The following KIF7 variants were observed in gnomAD, a reference collection of about 807,000 sequenced individuals.
KIF7 encodes the protein kinesin family member 7.
A neutral mutation model predicts 135.7 loss-of-function variants in KIF7; 104 were observed. That is an observed-to-expected ratio of 0.77 (90% CI 0.65 to 0.90). The LOEUF is 0.90. Among genes scored for constraint, KIF7 ranks in the 40% least tolerant of loss-of-function variants. The pLI is 0.00. For missense variants in KIF7, 2,005 were observed against 1,839.1 expected, an observed-to-expected ratio of 1.09 and a Z score of -1.65; for synonymous variants, 883 against 809.4, an observed-to-expected ratio of 1.09 and a Z score of -1.54.
chr15:89,626,204 G>C (rs780171117), downstream of KIF7: 31 of 837,754 alleles, frequency 3.7e-5, no homozygotes, highest in Non-Finnish European at 5.0e-5. Context: ...CGTCATGTGT[G>C]CCCTTCCCAG....
rs144494245 is a variant in KIF7 at position 89,633,966 on chromosome 15, C to G, written c.2395-83G>C. On this transcript the variant is annotated intron_variant, in intron 11 of 18. Coordinates refer to ENST00000394412, the MANE Select transcript of KIF7 (RefSeq NM_198525.3). ...GTGCTGGGCACTCAACAAGGGCAGG[C>G]AGATAGAGGGCAAATGGGTAGGTGG... 1.4e-3 allele frequency: 2,104 copies of G among 1,481,678 alleles called. 22 individuals are homozygous for G. The African/African-American group carries it at 0.026, about 18-fold the overall frequency. The allele number at this position is 1,481,678 out of a possible 1,614,324, so 91.8% of individuals were successfully genotyped here.
rs1253153154 is a variant in KIF7 at position 89,648,449 on chromosome 15, CG to C, written c.1248del (p.Asp417ThrfsTer38). The part of the protein sequence containing the change: ...GAECARYRAC[T>X]DAAYSLLREL... ...TCGCGCAAGAGGCTGTAGGCGGCGTCGGTGCAGGCCCGGTAGCGCGCGCACT... is the reference window on the plus strand; with the variant it reads ...TCGCGCAAGAGGCTGTAGGCGGCGTCGTGCAGGCCCGGTAGCGCGCGCACT... On this transcript the variant is annotated frameshift_variant, in exon 5 of 19. Transcript: ENST00000394412. LOFTEE classifies it high-confidence loss of function. 5 of 1,089,010 alleles carry C rather than the reference CG, an allele frequency of 4.6e-6. No homozygotes were observed. The African/African-American group carries it at 8.5e-5, about 19-fold the overall frequency. 67.5% of individuals were successfully genotyped at this position (1,089,010 alleles called of 1,614,324 possible). A position where few individuals can be genotyped will look rare whatever the true frequency, so the allele number is the denominator to read the frequency against.
At position 89,654,377 on chromosome 15, in the gene KIF7, T is replaced by TA. The variant is rs1444277806; in HGVS notation, c.-25+1021dup. Among the ~76,000 whole-genome samples the TA allele has an allele frequency of 1.1e-4, 16 of 148,902 alleles. No individual in the cohort carries two copies. In the East Asian group the frequency reaches 2.5e-3, roughly 24 times the overall value. On this transcript the variant is annotated intron_variant, in intron 1 of 18. Transcript: ENST00000394412. ...TAAATCAGGCCCTGCCTCCCTGGAC[T>TA]ACTCACTTCCCACACCCCAGGCCTT...
intron 2 of KIF7, among the ~76,000 whole-genome samples, chr15:89,652,095 A>C (rs1203443006): frequency 6.6e-6 from 1 of 152,220 alleles, no homozygotes; most frequent in Non-Finnish European, 1.5e-5. Context: ...AACCCGACAG[A>C]AAACAGCTTG....
downstream of KIF7, chr15:89,623,951 A>G (rs746968359): frequency 7.4e-6 from 12 of 1,614,084 alleles, no homozygotes; most frequent in Admixed American, 1.7e-5. Flanking sequence ...ACTTGGCCAC[A>G]TTCAGTGAAT....
At position 89,633,790 on chromosome 15, in the gene KIF7, G is replaced by A. The variant is rs748828629; in HGVS notation, c.2488C>T (p.Leu830Phe). 1.9e-6 allele frequency: 3 copies of A among 1,612,128 alleles called. No individual in the cohort carries two copies. Among genetic ancestry groups the A allele is most frequent in the South Asian group, 1.1e-5 (1 of 91,086 alleles). Residue 830 changes from leucine to phenylalanine, a missense_variant, in exon 12 of 19, where the codon CTC (leucine) becomes TTC (phenylalanine). Coordinates refer to ENST00000394412, the MANE Select transcript of KIF7 (RefSeq NM_198525.3). ...RLQELERNVQLMRQQQGQLQR... is the reference protein window; with the variant it reads ...RLQELERNVQFMRQQQGQLQR... Reference sequence around the variant, plus strand: ...AGCTGTCCCTGCTGCTGCCGCATGAGCTGCACGTTCCGCTCGAGCTCCTGC... The same window carrying A: ...AGCTGTCCCTGCTGCTGCCGCATGAACTGCACGTTCCGCTCGAGCTCCTGC...
Position 89,648,332 on chromosome 15 carries a change from A to C in KIF7, c.1366T>G (p.Ser456Ala). The change falls in exon 5 of 19, where the codon TCC becomes GCC. Residue 456 changes from serine (S) to alanine (A), a missense_variant. By Grantham distance (99) the Ser-to-Ala change is moderately conservative. Coordinates refer to ENST00000394412, the MANE Select transcript of KIF7 (RefSeq NM_198525.3). ...AVEGERSALS[S>A]ASGPDSGIES... ...ATGCCGCTATCGGGCCCGGAGGCGG[A>C]GCTCAGGGCGCTGCGCTCGCCCTCG... 1.3e-6 allele frequency: 2 copies of C among 1,498,648 alleles called. No individual in the cohort carries two copies. Among genetic ancestry groups the C allele is most frequent in the Non-Finnish European group, 1.8e-6 (2 of 1,124,946 alleles). 92.8% of individuals were successfully genotyped at this position (1,498,648 alleles called of 1,614,324 possible).
chr15:89,627,009 G>A (rs146781506), downstream of KIF7: 8 of 1,614,028 alleles, frequency 5.0e-6, no homozygotes, highest in East Asian at 4.5e-5. Flanking sequence ...TTTCAGTCGC[G>A]CTTTCTCCAG....
At position 89,647,576 on chromosome 15, in the gene KIF7, C is replaced by G. The variant is rs767169394; in HGVS notation, c.1560+20G>C. On this transcript the variant is annotated intron_variant, in intron 6 of 18. Coordinates refer to ENST00000394412, the MANE Select transcript of KIF7 (RefSeq NM_198525.3). ...CCTCCTCTGGGAAGCCTTCCCCGCA[C>G]TGTGAAGCGGGCGCCGCACCTGCAG... 4 of 1,599,118 alleles carry G rather than the reference C, an allele frequency of 2.5e-6. No individual in the cohort carries two copies. The South Asian group carries it at 4.4e-5, about 18-fold the overall frequency.
At chr15:89,638,035 T>C (rs1488620574) in intron 11 of KIF7, among the ~76,000 whole-genome samples, 1 of 105,202 alleles carries the variant, frequency 9.5e-6, no homozygotes, top group Non-Finnish European at 2.2e-5. Flanking sequence ...TCAATAAATG[T>C]AATCCAGCAT....
chr15:89,631,688 C>G lies in KIF7; in HGVS notation c.2918G>C (p.Arg973Pro), dbSNP rs762483775. Residue 973 changes from arginine (R) to proline (P), a missense_variant, in exon 15 of 19, where the codon CGA becomes CCA. Coordinates refer to ENST00000394412, the MANE Select transcript of KIF7 (RefSeq NM_198525.3). ...SSQALNEDIV[R>P]VSSRLEHLEK... is the part of the protein sequence containing the mutation. ...CAGGTGCTCCAGCCGGCTGGACACT[C>G]GCACGATGTCCTCGTTGAGGGCCTG... The G allele has an allele frequency of 1.3e-6, 2 of 1,555,644 alleles. No homozygotes were observed. The highest frequency in any genetic ancestry group is 1.7e-6 in the Non-Finnish European group (2 of 1,148,538).
At chr15:89,653,022 G>T (rs1314744503) in intron 1 of KIF7, 68 bp from the exon 2 acceptor site, 2 of 1,261,032 alleles carry the variant, frequency 1.6e-6, no homozygotes, top group Non-Finnish European at 2.1e-6. Context: ...ACCCTGCAGG[G>T]GACTCGAGCC....
chr15:89,627,505 G>C (rs1451107259), downstream of KIF7: 2 of 186,370 alleles, frequency 1.1e-5, no homozygotes, highest in Non-Finnish European at 2.2e-5. Flanking sequence ...TTTGTAAACT[G>C]TGAAGCCATA....
rs373550191 is a variant in KIF7, at chr15:89,631,580, C to G, written c.3026G>C (p.Ser1009Thr). 1.3e-6 allele frequency: 2 copies of G among 1,567,062 alleles called. No homozygotes were observed. Among genetic ancestry groups the G allele is most frequent in the Admixed American group, 3.7e-5 (2 of 54,366 alleles). The change falls in exon 15 of 19, where the codon AGC (serine) becomes ACC (threonine). Residue 1009 changes from serine (S) to threonine (T), a missense_variant. Physicochemically the swap from Ser to Thr is moderately conservative, Grantham distance 58. Transcript: ENST00000394412. Reference protein sequence around the residue: ...SQQQIRGEIDSLRQEKDSLLK... With the variant: ...SQQQIRGEIDTLRQEKDSLLK... ...CAGCGAGTCCTTCTCCTGGCGCAGGCTGTCGATCTCCCCGCGGATCTGCTG... is the reference window on the plus strand; with the variant it reads ...CAGCGAGTCCTTCTCCTGGCGCAGGGTGTCGATCTCCCCGCGGATCTGCTG...
intron 1 of KIF7, among the ~76,000 whole-genome samples, chr15:89,618,485 A>T (rs1353810374): frequency 6.6e-6 from 1 of 152,236 alleles, no homozygotes; most frequent in Non-Finnish European, 1.5e-5. Context: ...TTATTTTAAA[A>T]GTATATATAA....
downstream of KIF7, chr15:89,626,875 A>C (rs143736923): frequency 6.8e-7 from 1 of 1,475,860 alleles, no homozygotes; most frequent in African/African-American, 1.4e-5. Flanking sequence ...TTTTGTGTGT[A>C]ACCCTCTGCA....
chr15:89,627,227 T>A, downstream of KIF7: 1 of 1,002,896 alleles, frequency 1.0e-6, no homozygotes, highest in Non-Finnish European at 1.4e-6. Context: ...GTTTTCTAAT[T>A]CCCCTTATGG....
At chr15:89,662,876 C>T in the KIF7 span, among the ~76,000 whole-genome samples, 1 of 152,220 alleles carries the variant, frequency 6.6e-6, no homozygotes, top group Non-Finnish European at 1.5e-5. Context: ...GTGTACCTTG[C>T]TGCCTAATCA....
At chr15:89,627,308 T>C (rs1963550629), downstream of KIF7, 1 of 572,276 alleles carries the variant, frequency 1.7e-6, no homozygotes. Context: ...GCAATGTGAT[T>C]GGTGCTATAA....
Sources: allele counts gnomAD v4.1 joint callset (sites outside exome capture counted in the v4.1 genomes callset), GRCh38; gene constraint gnomAD v4.1.1; transcripts MANE v1.5; gene names NCBI Gene and HGNC (gene_info 2026-07-23, HGNC 2026-07-21).